The following ERC2 variants were observed in gnomAD, a reference collection of about 807,000 sequenced individuals.
The protein encoded by ERC2 is ERC protein 2.
Under a neutral mutation model 114.8 loss-of-function variants are expected in ERC2, and 42 were observed. That is an observed-to-expected ratio of 0.37 (90% CI 0.29 to 0.47). The LOEUF is 0.47. Among genes scored for constraint, ERC2 ranks in the 20% least tolerant of loss-of-function variants. The probability of loss-of-function intolerance (pLI) is 0.99; values close to 1 mark genes in which losing one functional copy is unlikely to be tolerated. For missense variants in ERC2, 939 were observed against 1,150.7 expected (o/e 0.82, Z 2.66); for synonymous variants, 454 against 425.5 (o/e 1.07, Z -0.82).
intron 4 of ERC2, among the ~76,000 whole-genome samples, chr3:56,168,037 C>T (rs901330833): frequency 1.3e-5 from 2 of 152,064 alleles, no homozygotes; most frequent in East Asian, 1.9e-4. Context: ...AAAGAAAAAA[C>T]GTTTGAACCT....
At chr3:55,919,562 G>A (rs939910346) in intron 13 of ERC2, among the ~76,000 whole-genome samples, 3 of 152,118 alleles carry the variant, frequency 2.0e-5, no homozygotes, top group Non-Finnish European at 4.4e-5. Context: ...TAGGTATCTG[G>A]AATACACCCC....
chr3:56,446,355 T>C (rs1038593110), intron 1 of ERC2, among the ~76,000 whole-genome samples: 1 of 151,996 alleles, frequency 6.6e-6, no homozygotes, highest in African/African-American at 2.4e-5. Context: ...ATTGACAAAG[T>C]GTGTGGGTAA....
intron 10 of ERC2, among the ~76,000 whole-genome samples, chr3:56,001,915 C>A (rs1306698684): frequency 6.6e-6 from 1 of 152,054 alleles, no homozygotes; most frequent in Non-Finnish European, 1.5e-5. Context: ...TGTTTTCGAG[C>A]TTGAAGATAT....
At chr3:55,852,195 G>C (rs1048893374) in intron 14 of ERC2, among the ~76,000 whole-genome samples, 1 of 152,198 alleles carries the variant, frequency 6.6e-6, no homozygotes, top group African/African-American at 2.4e-5. Flanking sequence ...ACTCCAGCCT[G>C]GGTGACAGGG....
At chr3:56,080,458 C>G (rs2077178647) in intron 7 of ERC2, among the ~76,000 whole-genome samples, 1 of 152,128 alleles carries the variant, frequency 6.6e-6, no homozygotes, top group Non-Finnish European at 1.5e-5. Context: ...TCAAATGTAT[C>G]TAAAATACAT....
intron 2 of ERC2, among the ~76,000 whole-genome samples, chr3:56,303,334 C>G: frequency 6.6e-6 from 1 of 152,222 alleles, no homozygotes; most frequent in East Asian, 1.9e-4. Flanking sequence ...AGCCCCATCT[C>G]CAGTCCACAA....
At chr3:55,685,723 G>A (rs1348410348) in intron 16 of ERC2, among the ~76,000 whole-genome samples, 1 of 152,124 alleles carries the variant, frequency 6.6e-6, no homozygotes. Context: ...AATCGCTGCT[G>A]TAGAAAAACT....
At chr3:56,424,726 T>G (rs1312849614) in intron 2 of ERC2, among the ~76,000 whole-genome samples, 5 of 152,190 alleles carry the variant, frequency 3.3e-5, no homozygotes, top group African/African-American at 1.2e-4. Context: ...TTTCCAGCTC[T>G]CTGGAAAAGT....
At chr3:55,560,784 G>C (rs754103820) in intron 17 of ERC2, among the ~76,000 whole-genome samples, 1 of 152,192 alleles carries the variant, frequency 6.6e-6, no homozygotes, top group African/African-American at 2.4e-5. Context: ...TTTCAGCGAA[G>C]AATGAGAAAA....
At chr3:56,190,462 C>G (rs1330117960) in intron 3 of ERC2, among the ~76,000 whole-genome samples, 7 of 152,152 alleles carry the variant, frequency 4.6e-5, no homozygotes, top group African/African-American at 1.7e-4. Flanking sequence ...AAGACAAGGT[C>G]TCACTCTGTT....
intron 15 of ERC2, among the ~76,000 whole-genome samples, chr3:55,725,321 A>T (rs1261338786): frequency 6.6e-6 from 1 of 152,170 alleles, no homozygotes; most frequent in Non-Finnish European, 1.5e-5. Flanking sequence ...CTCCTCCTAA[A>T]ACTAGCAATA....
chr3:55,682,908 G>A (rs1030278535), intron 17 of ERC2, among the ~76,000 whole-genome samples: 7 of 152,188 alleles, frequency 4.6e-5, no homozygotes, highest in Non-Finnish European at 2.9e-5. Flanking sequence ...TAAACAGCCT[G>A]CAGTATAGAG....
chr3:55,640,103 T>C (rs2060115474), intron 17 of ERC2, among the ~76,000 whole-genome samples: 1 of 152,170 alleles, frequency 6.6e-6, no homozygotes, highest in African/African-American at 2.4e-5. Flanking sequence ...GTGGCTGCAC[T>C]TCACCTCCCC....
At chr3:55,622,420 T>A (rs1048635235) in intron 17 of ERC2, among the ~76,000 whole-genome samples, 1 of 152,106 alleles carries the variant, frequency 6.6e-6, no homozygotes, top group African/African-American at 2.4e-5. Context: ...TTTCTAATGA[T>A]GACAATTTGA....
chr3:56,370,389 T>C (rs2059317399), intron 2 of ERC2, among the ~76,000 whole-genome samples: 1 of 152,150 alleles, frequency 6.6e-6, no homozygotes, highest in East Asian at 1.9e-4. Context: ...ATGTGTGTCA[T>C]TGCTAATACT....
intron 2 of ERC2, among the ~76,000 whole-genome samples, chr3:56,340,910 C>G (rs2058064326): frequency 6.6e-6 from 1 of 152,004 alleles, no homozygotes; most frequent in South Asian, 2.1e-4. Context: ...TAGACCTGTG[C>G]TACTTCTGAG....
intron 3 of ERC2, among the ~76,000 whole-genome samples, chr3:56,267,451 G>A (rs531849578): frequency 6.6e-6 from 1 of 152,142 alleles, no homozygotes; most frequent in African/African-American, 2.4e-5. Flanking sequence ...GAATGGTTAT[G>A]GCAGGAAGCG....
intron 15 of ERC2, among the ~76,000 whole-genome samples, chr3:55,713,738 C>A (rs1433983116): frequency 6.6e-6 from 1 of 152,176 alleles, no homozygotes; most frequent in Non-Finnish European, 1.5e-5. Context: ...TGGCAACCTC[C>A]CTATAGAGGT....
intron 8 of ERC2, among the ~76,000 whole-genome samples, chr3:56,014,442 T>C (rs900892273): frequency 6.6e-6 from 1 of 152,062 alleles, no homozygotes; most frequent in African/African-American, 2.4e-5. Context: ...GCATGAAACT[T>C]AGAGGTCAGC....
Sources: allele counts gnomAD v4.1 joint callset (sites outside exome capture counted in the v4.1 genomes callset), GRCh38; gene constraint gnomAD v4.1.1; transcripts MANE v1.5; gene names NCBI Gene and HGNC (gene_info 2026-07-23, HGNC 2026-07-21).